TMEM87B: variants seen among roughly 807,000 people sequenced by gnomAD.
The protein encoded by TMEM87B is transmembrane protein 87B.
A neutral mutation model predicts 80.3 loss-of-function variants in TMEM87B; 83 were observed. That is an observed-to-expected ratio of 1.03 (90% CI 0.87 to 1.24). The LOEUF is 1.24. Ranked by LOEUF, TMEM87B falls within the 50% of genes most tolerant of loss-of-function variation. The probability of loss-of-function intolerance (pLI) is 0.00; values close to 1 mark genes in which losing one functional copy is unlikely to be tolerated. For synonymous variants in TMEM87B, 219 were observed against 230.5 expected (o/e 0.95, Z 0.45); for missense variants, 625 against 674.4 (o/e 0.93, Z 0.81).
In TMEM87B at chr2:112,081,937, G is replaced by A. The variant is rs187530206; in HGVS notation, c.838+419G>A. 1.1e-4 allele frequency among the ~76,000 whole-genome samples: 16 copies of A among 152,264 alleles called. No individual in the cohort carries two copies. The East Asian group carries it at 3.1e-3, about 29-fold the overall frequency. ...TTGGCCGCAGGGAGTAAAATCAGGG[G>A]TGCTGGAAGGGATGGTGCCTGCAGC... is the stretch of plus-strand genomic sequence containing the variant. On this transcript the variant is annotated intron_variant, in intron 8 of 18. Transcript: ENST00000283206.
chr2:112,104,179 A>G (rs1313065678), intron 15 of TMEM87B, among the ~76,000 whole-genome samples: 3 of 152,186 alleles, frequency 2.0e-5, no homozygotes, highest in African/African-American at 7.2e-5. Context: ...GGATGGGGTA[A>G]TTTCTTAGGA....
At chr2:112,065,399 G>A (rs72940094) in intron 3 of TMEM87B, among the ~76,000 whole-genome samples, 4 of 151,730 alleles carry the variant, frequency 2.6e-5, no homozygotes, top group East Asian at 3.9e-4. Flanking sequence ...TAATTCCTGC[G>A]CTTTGGGAAC....
intron 8 of TMEM87B, among the ~76,000 whole-genome samples, 182 bp from the exon 9 acceptor site, chr2:112,085,823 G>A (rs1679127517): frequency 6.6e-6 from 1 of 152,174 alleles, no homozygotes; most frequent in South Asian, 2.1e-4. Context: ...AATTCTTGAG[G>A]CGAGTATGAA....
chr2:112,083,644 G>A (rs2104478456), intron 8 of TMEM87B, among the ~76,000 whole-genome samples: 1 of 152,352 alleles, frequency 6.6e-6, no homozygotes, highest in East Asian at 1.9e-4. Flanking sequence ...GACCTAGGAA[G>A]TGGGGCTGTG....
chr2:112,111,661 T>C (rs781756353), intron 17 of TMEM87B, among the ~76,000 whole-genome samples: 2 of 152,228 alleles, frequency 1.3e-5, no homozygotes, highest in Non-Finnish European at 2.9e-5. Flanking sequence ...ATTTAGACTT[T>C]AAACACAGAG....
intron 4 of TMEM87B, 31 bp from the exon 5 acceptor site, chr2:112,074,881 A>G: frequency 1.9e-6 from 3 of 1,539,228 alleles, no homozygotes; most frequent in African/African-American, 1.4e-5. Context: ...ATGCAGCAGT[A>G]TAAAATGGCA....
chr2:112,089,099 A>C (rs192178506), intron 9 of TMEM87B, among the ~76,000 whole-genome samples: 1 of 152,332 alleles, frequency 6.6e-6, no homozygotes, highest in African/African-American at 2.4e-5. Context: ...TAAAGAATGA[A>C]AATGAAATTC....
chr2:112,105,077 T>C (rs1410108691), intron 15 of TMEM87B, among the ~76,000 whole-genome samples: 1 of 152,104 alleles, frequency 6.6e-6, no homozygotes, highest in Non-Finnish European at 1.5e-5. Context: ...TGGCAGTTAC[T>C]CAAGTGTATA....
chr2:112,058,323 C>T (rs1385476814), intron 1 of TMEM87B, among the ~76,000 whole-genome samples: 2 of 152,160 alleles, frequency 1.3e-5, no homozygotes, highest in African/African-American at 4.8e-5. Flanking sequence ...ACTCAAGGAC[C>T]TGTGTTGGCC....
At chr2:112,091,527 C>G (rs1679300663) in intron 10 of TMEM87B, among the ~76,000 whole-genome samples, 185 bp from the exon 11 acceptor site, 1 of 152,214 alleles carries the variant, frequency 6.6e-6, no homozygotes, top group Non-Finnish European at 1.5e-5. Flanking sequence ...TAAATTAGCA[C>G]TTGTTGCTAT....
In TMEM87B at chr2:112,116,454, G is replaced by C. The variant is rs1417585222; in HGVS notation, c.*311G>C. The stretch of plus-strand genomic sequence containing the variant: ...GTTTGGGTTCTCCCTCTTTTCTCTG[G>C]AACATATGACAATTCCAGATTAAAG... On this transcript the variant is annotated 3_prime_UTR_variant, in exon 19 of 19. Transcript: ENST00000283206. The C allele has an allele frequency of 4.4e-6, 1 of 229,220 alleles. No individual in the cohort carries two copies. The highest frequency in any genetic ancestry group is 2.3e-5 in the African/African-American group (1 of 44,250). The allele number at this position is 229,220 out of a possible 1,614,324, so 14.2% of individuals were successfully genotyped here. A position where few individuals can be genotyped will look rare whatever the true frequency, so the allele number is the denominator to read the frequency against.
chr2:112,106,001 G>C lies in TMEM87B; in HGVS notation c.1451-1G>C. The C allele has an allele frequency of 6.4e-7, 1 of 1,563,126 alleles. No homozygotes were observed. The highest frequency in any genetic ancestry group is 2.3e-5 in the East Asian group (1 of 43,174). On this transcript the variant is annotated splice_acceptor_variant, in intron 15 of 18. Transcript: ENST00000283206. LOFTEE classifies it high-confidence loss of function. ...ATATATGTTTATAATGTCTCTCGTA[G>C]CCGAAGGAATAAAATTAAGAGCCTC...
chr2:112,103,619 G>A (rs1045492550), intron 15 of TMEM87B, among the ~76,000 whole-genome samples: 1 of 152,106 alleles, frequency 6.6e-6, no homozygotes, highest in African/African-American at 2.4e-5. Flanking sequence ...CCGTAGAGGC[G>A]GAAAGTAGAT....
chr2:112,106,982 A>T (rs1363777680), intron 16 of TMEM87B, among the ~76,000 whole-genome samples: 1 of 152,212 alleles, frequency 6.6e-6, no homozygotes, highest in Non-Finnish European at 1.5e-5. Flanking sequence ...TAGCTATCTC[A>T]GCTGACCTGC....
At chr2:112,061,734 A>C (rs897059270) in intron 2 of TMEM87B, among the ~76,000 whole-genome samples, 1 of 152,230 alleles carries the variant, frequency 6.6e-6, no homozygotes, top group African/African-American at 2.4e-5. Context: ...TCAACATATG[A>C]GTAGACTACA....
chr2:112,099,899 A>C (rs1040977548), intron 14 of TMEM87B, among the ~76,000 whole-genome samples: 1 of 151,068 alleles, frequency 6.6e-6, no homozygotes, highest in Admixed American at 6.6e-5. Context: ...AAAAAAAAAA[A>C]ACCACAAAAA....
At chr2:112,078,644 G>A (rs958877077) in intron 6 of TMEM87B, among the ~76,000 whole-genome samples, 1 of 152,206 alleles carries the variant, frequency 6.6e-6, no homozygotes, top group Non-Finnish European at 1.5e-5. Context: ...TTCTTTCCCA[G>A]GCATTGTGTC....
At chr2:112,085,865 A>G in intron 8 of TMEM87B, 140 bp from the exon 9 acceptor site, 1 of 649,630 alleles carries the variant, frequency 1.5e-6, no homozygotes, top group Non-Finnish European at 2.6e-6. Context: ...CATCAGTTGG[A>G]TTCAGTGACT....
intron 15 of TMEM87B, among the ~76,000 whole-genome samples, chr2:112,105,261 A>G (rs1679735788): frequency 6.6e-6 from 1 of 152,192 alleles, no homozygotes; most frequent in Non-Finnish European, 1.5e-5. Flanking sequence ...TTTATTTATT[A>G]CATCAGCTTA....
Sources: allele counts gnomAD v4.1 joint callset (sites outside exome capture counted in the v4.1 genomes callset), GRCh38; gene constraint gnomAD v4.1.1; transcripts MANE v1.5; gene names NCBI Gene and HGNC (gene_info 2026-07-23, HGNC 2026-07-21).